NR3C2: variants seen among roughly 807,000 people sequenced by gnomAD.
NR3C2 encodes the protein mineralocorticoid receptor.
A neutral mutation model predicts 86.4 loss-of-function variants in NR3C2; 15 were observed. That is an observed-to-expected ratio of 0.17 (90% CI 0.12 to 0.27). NR3C2 has a LOEUF of 0.27. Among genes scored for constraint, NR3C2 ranks in the 10% least tolerant of loss-of-function variants. NR3C2 has a pLI of 1.00. For missense variants in NR3C2, 960 were observed against 1,195.6 expected (o/e 0.80, Z 2.91); for synonymous variants, 458 against 450.5 (o/e 1.02, Z -0.21).
intron 2 of NR3C2, among the ~76,000 whole-genome samples, chr4:148,306,863 T>C (rs1579132229): frequency 6.6e-6 from 1 of 152,200 alleles, no homozygotes; most frequent in South Asian, 2.1e-4. Context: ...AAAAGGAATT[T>C]TATAGTGGAT....
chr4:148,189,080 C>A (rs1736074767), intron 4 of NR3C2, among the ~76,000 whole-genome samples: 1 of 152,014 alleles, frequency 6.6e-6, no homozygotes, highest in South Asian at 2.1e-4. Flanking sequence ...AGGTGCGCGC[C>A]ACCACCCCTG....
At chr4:148,203,764 C>T (rs1195749124) in intron 3 of NR3C2, among the ~76,000 whole-genome samples, 1 of 151,558 alleles carries the variant, frequency 6.6e-6, no homozygotes, top group East Asian at 1.9e-4. Flanking sequence ...AATTAACTTC[C>T]TCTGCTCAGT....
chr4:148,312,297 T>C (rs973508946), intron 2 of NR3C2, among the ~76,000 whole-genome samples: 1 of 18,712 alleles, frequency 5.3e-5, no homozygotes, highest in Non-Finnish European at 1.1e-4. Context: ...TTATGTTTTT[T>C]AGGTTATTTA....
intron 2 of NR3C2, among the ~76,000 whole-genome samples, chr4:148,260,855 T>C (rs1356215416): frequency 1.3e-5 from 2 of 152,224 alleles, no homozygotes; most frequent in Non-Finnish European, 2.9e-5. Flanking sequence ...GAATACTTTT[T>C]AAGGGGAATC....
At chr4:148,172,298 T>C (rs570227073) in intron 4 of NR3C2, among the ~76,000 whole-genome samples, 1 of 152,276 alleles carries the variant, frequency 6.6e-6, no homozygotes, top group African/African-American at 2.4e-5. Context: ...TCCATTCTGG[T>C]GACAAAAATT....
At chr4:148,107,450 A>C (rs182134458) in intron 8 of NR3C2, among the ~76,000 whole-genome samples, 1 of 152,310 alleles carries the variant, frequency 6.6e-6, no homozygotes, top group African/African-American at 2.4e-5. Context: ...ATTCCTCAAG[A>C]ATCTAGAACC....
intron 2 of NR3C2, among the ~76,000 whole-genome samples, chr4:148,307,681 T>C (rs999806753): frequency 2.2e-4 from 33 of 151,978 alleles, no homozygotes; most frequent in Non-Finnish European, 2.9e-4. Context: ...TTGGGGGTAG[T>C]CGGGAAACAG....
intron 7 of NR3C2, among the ~76,000 whole-genome samples, chr4:148,119,200 G>A (rs1055097817): frequency 6.6e-6 from 1 of 152,098 alleles, no homozygotes; most frequent in African/African-American, 2.4e-5. Context: ...ATAACTTGAT[G>A]CACCTTTAAA....
chr4:148,158,537 T>A (rs186076918), intron 4 of NR3C2, among the ~76,000 whole-genome samples: 62 of 152,338 alleles, frequency 4.1e-4, no homozygotes, highest in Middle Eastern at 3.4e-3. Flanking sequence ...CATAATTTTG[T>A]AAGCATTAAA....
intron 2 of NR3C2, among the ~76,000 whole-genome samples, chr4:148,379,777 GATA>G (rs1746868091): frequency 6.6e-6 from 1 of 151,908 alleles, no homozygotes; most frequent in Admixed American, 6.5e-5. Context: ...AAAGCTTAAC[GATA>G]ATAAGAAGCA....
intron 2 of NR3C2, among the ~76,000 whole-genome samples, chr4:148,426,926 A>G (rs943234289): frequency 6.6e-6 from 1 of 150,520 alleles, no homozygotes; most frequent in Non-Finnish European, 1.5e-5. Context: ...TCTGCTCCAA[A>G]CCTATTATTG....
chr4:148,302,558 G>A (rs935451571), intron 2 of NR3C2, among the ~76,000 whole-genome samples: 1 of 152,184 alleles, frequency 6.6e-6, no homozygotes, highest in African/African-American at 2.4e-5. Context: ...GACACAACTG[G>A]AGAAACCAGT....
At chr4:148,216,641 T>C (rs1737553179) in intron 3 of NR3C2, among the ~76,000 whole-genome samples, 1 of 152,206 alleles carries the variant, frequency 6.6e-6, no homozygotes, top group African/African-American at 2.4e-5. Context: ...TCCTTTCAAT[T>C]TATTAAATCA....
At chr4:148,269,791 C>T (rs1273021267) in intron 2 of NR3C2, among the ~76,000 whole-genome samples, 2 of 152,178 alleles carry the variant, frequency 1.3e-5, no homozygotes, top group African/African-American at 4.8e-5. Flanking sequence ...GAACTTACTG[C>T]CTCATCTGTA....
intron 6 of NR3C2, among the ~76,000 whole-genome samples, chr4:148,130,823 T>TGTTTTGTTTTG (rs201153191): frequency 1.3e-4 from 12 of 93,570 alleles, no homozygotes; most frequent in African/African-American, 3.6e-4. Context: ...TGTTTTGTTT[T>TGTTTTGTTTTG]TTTTTTTTTT....
intron 5 of NR3C2, 73 bp downstream of exon 5, chr4:148,154,478 T>G: frequency 1.5e-6 from 2 of 1,351,916 alleles, no homozygotes; most frequent in Non-Finnish European, 2.1e-6. Context: ...CCTGCATGGT[T>G]GGAGATGGCG....
In NR3C2 at chr4:148,354,341, A is replaced by G. The variant is rs369033244; in HGVS notation, c.1757+80763T>C. The stretch of plus-strand genomic sequence containing the variant: ...ATATGAGCTAATTGACTGTGTTATC[A>G]GTGAGACTTCTGGTCAACAGCAGGA... On this transcript the variant is annotated intron_variant, in intron 2 of 8. Coordinates refer to ENST00000358102, the MANE Select transcript of NR3C2 (RefSeq NM_000901.5). Among the ~76,000 whole-genome samples the G allele has an allele frequency of 6.6e-5, 10 of 152,276 alleles. No homozygotes were observed. The East Asian group carries it at 1.5e-3, about 24-fold the overall frequency.
intron 2 of NR3C2, among the ~76,000 whole-genome samples, chr4:148,390,556 G>A (rs570496293): frequency 1.1e-4 from 16 of 152,170 alleles, no homozygotes; most frequent in Non-Finnish European, 1.8e-4. Context: ...AGTACACTAC[G>A]GGCACTGTGT....
At chr4:148,178,932 T>TAAA (rs58576220) in intron 4 of NR3C2, among the ~76,000 whole-genome samples, 29 of 95,296 alleles carry the variant, frequency 3.0e-4, no homozygotes, top group African/African-American at 9.4e-4. Flanking sequence ...AAGAAGCAGG[T>TAAA]AAAAAAAAAA....
Sources: allele counts gnomAD v4.1 joint callset (sites outside exome capture counted in the v4.1 genomes callset), GRCh38; gene constraint gnomAD v4.1.1; transcripts MANE v1.5; gene names NCBI Gene and HGNC (gene_info 2026-07-23, HGNC 2026-07-21).